The following RBFOX1 variants were observed in gnomAD, a reference collection of about 807,000 sequenced individuals.
RBFOX1 encodes RNA binding protein fox-1 homolog 1.
Under a neutral mutation model 57.7 loss-of-function variants are expected in RBFOX1, and 8 were observed. The ratio of observed to expected loss-of-function variants is 0.14; its 90% CI spans 0.08 to 0.25. The LOEUF (loss-of-function observed/expected upper bound fraction) is 0.25, where lower values mean the gene tolerates loss of function less well. Among genes scored for constraint, RBFOX1 ranks in the 10% least tolerant of loss-of-function variants. The pLI, the probability that RBFOX1 is intolerant of heterozygous loss-of-function variation, is 1.00. For synonymous variants in RBFOX1, 326 were observed against 222.4 expected, an observed-to-expected ratio of 1.47 and a Z score of -4.15; for missense variants, 611 against 548.5, an observed-to-expected ratio of 1.11 and a Z score of -1.14.
intron 11 of RBFOX1, among the ~76,000 whole-genome samples, chr16:7,633,105 G>A (rs1031424032): frequency 3.9e-5 from 6 of 152,164 alleles, no homozygotes; most frequent in Non-Finnish European, 5.9e-5. Flanking sequence ...GAAGAATGAT[G>A]TTTAGATTTT....
At chr16:5,856,011 G>T (rs2057019751) in intron 3 of RBFOX1, among the ~76,000 whole-genome samples, 2 of 117,170 alleles carry the variant, frequency 1.7e-5, no homozygotes, top group African/African-American at 6.4e-5. Context: ...TCGTCAATAA[G>T]ATTACTTTCC....
intron 1 of RBFOX1, among the ~76,000 whole-genome samples, chr16:6,116,704 T>G (rs1379687236): frequency 6.6e-6 from 1 of 152,192 alleles, no homozygotes; most frequent in Non-Finnish European, 1.5e-5. Context: ...TAATCAAGTC[T>G]GAGTTGGGCT....
chr16:7,047,021 G>C (rs897706701), intron 3 of RBFOX1, among the ~76,000 whole-genome samples: 5 of 146,508 alleles, frequency 3.4e-5, no homozygotes, highest in African/African-American at 1.0e-4. Flanking sequence ...GAACTCAAGA[G>C]TATAGAAAGC....
chr16:6,305,570 G>T (rs2079402867), intron 1 of RBFOX1, among the ~76,000 whole-genome samples: 1 of 150,614 alleles, frequency 6.6e-6, no homozygotes, highest in African/African-American at 2.4e-5. Flanking sequence ...GTGTCTCAAG[G>T]CCCTCTTCAG....
intron 1 of RBFOX1, among the ~76,000 whole-genome samples, chr16:6,187,126 G>A (rs1422795867): frequency 6.6e-6 from 1 of 152,162 alleles, no homozygotes; most frequent in Non-Finnish European, 1.5e-5. Context: ...TATCGTAGAT[G>A]TATAGTTAGA....
chr16:6,654,589 T>C lies in RBFOX1; in HGVS notation c.-63-14T>C. 1 of 1,503,556 alleles carries C rather than the reference T, an allele frequency of 6.7e-7. No individual in the cohort carries two copies. The highest frequency in any genetic ancestry group is 8.8e-7 in the Non-Finnish European group (1 of 1,133,774). 93.1% of individuals were successfully genotyped at this position (1,503,556 alleles called of 1,614,324 possible). On this transcript the variant is annotated splice_polypyrimidine_tract_variant and intron_variant, in intron 2 of 15. Coordinates refer to ENST00000550418, the MANE Select transcript of RBFOX1 (RefSeq NM_018723.4). ...TTCTTTCTCTCACTTTCCTTTCTTTTCTTCTCTTCTCAGGATATCAAAGCA... is the reference window on the plus strand; with the variant it reads ...TTCTTTCTCTCACTTTCCTTTCTTTCCTTCTCTTCTCAGGATATCAAAGCA...
intron 4 of RBFOX1, among the ~76,000 whole-genome samples, chr16:7,348,790 A>G (rs1193085540): frequency 6.6e-6 from 1 of 152,096 alleles, no homozygotes; most frequent in Non-Finnish European, 1.5e-5. Context: ...AAAAATGCCA[A>G]AATTAGCCAG....
intron 3 of RBFOX1, among the ~76,000 whole-genome samples, chr16:5,763,475 C>T (rs548030829): frequency 1.3e-5 from 2 of 152,342 alleles, no homozygotes; most frequent in East Asian, 1.9e-4. Context: ...GAGAAAAGCC[C>T]CTGGCCCAGG....
intron 3 of RBFOX1, among the ~76,000 whole-genome samples, chr16:6,681,705 A>C (rs763313958): frequency 2.4e-4 from 37 of 152,260 alleles, no homozygotes; most frequent in Non-Finnish European, 3.7e-4. Context: ...CCAATGAGTA[A>C]AATGTTCAAA....
At chr16:7,391,017 CT>C (rs1444112649) in intron 4 of RBFOX1, among the ~76,000 whole-genome samples, 1 of 152,088 alleles carries the variant, frequency 6.6e-6, no homozygotes, top group Non-Finnish European at 1.5e-5. Flanking sequence ...GACCCTCGTG[CT>C]TTTTGGAGGC....
At chr16:7,434,404 G>A (rs555703136) in intron 4 of RBFOX1, among the ~76,000 whole-genome samples, 3 of 152,080 alleles carry the variant, frequency 2.0e-5, no homozygotes, top group East Asian at 1.9e-4. Flanking sequence ...CCCGGGAGGC[G>A]GAGCTTGCAG....
chr16:7,341,708 T>C (rs1409837729), intron 4 of RBFOX1, among the ~76,000 whole-genome samples: 3 of 146,784 alleles, frequency 2.0e-5, no homozygotes, highest in Non-Finnish European at 3.0e-5. Flanking sequence ...CCTTCCTTCC[T>C]TCCTTCCTTC....
intron 4 of RBFOX1, among the ~76,000 whole-genome samples, chr16:7,284,244 C>T (rs2095605172): frequency 6.6e-6 from 1 of 152,222 alleles, no homozygotes; most frequent in South Asian, 2.1e-4. Flanking sequence ...CATTTATGTA[C>T]AGGTAATTCT....
chr16:6,488,103 C>G (rs931793277), intron 2 of RBFOX1, among the ~76,000 whole-genome samples: 5 of 152,056 alleles, frequency 3.3e-5, no homozygotes, highest in African/African-American at 1.2e-4. Context: ...CACTATTTGC[C>G]CAATGTTTGT....
intron 1 of RBFOX1, among the ~76,000 whole-genome samples, chr16:5,322,215 C>T (rs113435216): frequency 1.3e-5 from 2 of 152,104 alleles, no homozygotes; most frequent in Non-Finnish European, 2.9e-5. Flanking sequence ...GAGAGAAAAA[C>T]GTAATAAACA....
At chr16:7,184,248 A>G (rs540456752) in intron 4 of RBFOX1, among the ~76,000 whole-genome samples, 7 of 152,290 alleles carry the variant, frequency 4.6e-5, no homozygotes, top group South Asian at 2.1e-4. Flanking sequence ...TGCTTATAGC[A>G]AGGGGGTTGA....
At chr16:6,212,023 G>T (rs1479368938) in intron 1 of RBFOX1, among the ~76,000 whole-genome samples, 1 of 151,800 alleles carries the variant, frequency 6.6e-6, no homozygotes, top group African/African-American at 2.4e-5. Context: ...CTAAGTTTTT[G>T]TATTTTTCTT....
At chr16:6,759,920 G>A (rs911834236) in intron 3 of RBFOX1, among the ~76,000 whole-genome samples, 1 of 152,148 alleles carries the variant, frequency 6.6e-6, no homozygotes, top group Non-Finnish European at 1.5e-5. Flanking sequence ...ATTCTCATTA[G>A]TTTATTAATC....
intron 10 of RBFOX1, among the ~76,000 whole-genome samples, chr16:7,621,917 AC>A (rs1358647351): frequency 6.6e-6 from 1 of 152,252 alleles, no homozygotes; most frequent in Admixed American, 6.5e-5. Context: ...GCAGCCATAC[AC>A]AAAAATGAAT....
Sources: gnomAD v4.1 joint callset for allele counts (sites outside exome capture counted in the v4.1 genomes callset) on GRCh38, gnomAD v4.1.1 for gene constraint, MANE v1.5 for transcripts, NCBI Gene and HGNC (gene_info 2026-07-23, HGNC 2026-07-21) for gene names.